KMT2C: variants seen among roughly 807,000 people sequenced by gnomAD.
KMT2C encodes the protein histone-lysine N-methyltransferase 2C.
Under a neutral mutation model 507.9 loss-of-function variants are expected in KMT2C, and 88 were observed. That is an observed-to-expected ratio of 0.17 (90% CI 0.15 to 0.21). The LOEUF (loss-of-function observed/expected upper bound fraction) is 0.21. Among genes scored for constraint, KMT2C ranks in the 10% least tolerant of loss-of-function variants. The probability of loss-of-function intolerance (pLI) is 1.00; values close to 1 mark genes in which losing one functional copy is unlikely to be tolerated. For missense variants in KMT2C, 4,954 were observed against 5,957.8 expected (o/e 0.83, Z 5.55); for synonymous variants, 2,049 against 2,080.8 (o/e 0.98, Z 0.42).
intron 25 of KMT2C, among the ~76,000 whole-genome samples, chr7:152,204,630 GATAGATA>G (rs2094246648): frequency 6.6e-6 from 1 of 151,568 alleles, no homozygotes; most frequent in African/African-American, 2.4e-5. Context: ...TAGATAGATA[GATAGATA>G]GACAGACAGA....
intron 6 of KMT2C, among the ~76,000 whole-genome samples, chr7:152,283,467 C>T (rs1318195444): frequency 4.6e-5 from 7 of 152,002 alleles, no homozygotes; most frequent in Non-Finnish European, 2.9e-5. Flanking sequence ...CTCTTTAGTC[C>T]AAAACCTGGG....
intron 4 of KMT2C, among the ~76,000 whole-genome samples, chr7:152,312,665 T>C (rs1039114133): frequency 2.0e-5 from 3 of 152,126 alleles, no homozygotes; most frequent in Admixed American, 1.3e-4. Flanking sequence ...AAAAAGAACA[T>C]TGAATAAAGT....
At chr7:152,195,551 A>G (rs148868936) in intron 28 of KMT2C, 15,767 of 985,054 alleles carry the variant, frequency 0.016, 138 homozygotes, top group Non-Finnish European at 0.018. Flanking sequence ...CTCAACCTGG[A>G]AAGTGCATAA....
intron 5 of KMT2C, among the ~76,000 whole-genome samples, chr7:152,311,471 G>A (rs951972903): frequency 2.0e-5 from 3 of 151,998 alleles, no homozygotes; most frequent in Admixed American, 2.0e-4. Context: ...GACTCAGAAT[G>A]CCACATTCCC....
At chr7:152,310,252 G>C (rs1398140634) in intron 5 of KMT2C, among the ~76,000 whole-genome samples, 177 bp from the exon 6 acceptor site, 1 of 152,210 alleles carries the variant, frequency 6.6e-6, no homozygotes, top group African/African-American at 2.4e-5. Flanking sequence ...CTGAGTGCCA[G>C]TATCAATATC....
chr7:152,194,016 G>C lies in KMT2C; in HGVS notation c.4653C>G (p.His1551Gln). 3 of 1,558,520 alleles carry C rather than the reference G, an allele frequency of 1.9e-6. No homozygotes were observed. Among genetic ancestry groups the C allele is most frequent in the Non-Finnish European group, 2.6e-6 (3 of 1,160,616 alleles). Residue 1551 changes from histidine (H) to glutamine (Q), a missense_variant, in exon 31 of 59, where the codon CAC (histidine) becomes CAG (glutamine). His to Gln is a conservative substitution (Grantham distance 24). Around this residue, in one of 29 missense-constraint regions of KMT2C, gnomAD observed 195 missense variants for 183.7 expected, o/e 1.06. Transcript: ENST00000262189. ...TATAAAGTCATAACATACCCTGATT[G>C]TGTATTGGCAACAGCTGTGTTGGTG... ...PPPPTQLLPI[H>Q]NQDAFSRMPL...
intron 1 of KMT2C, among the ~76,000 whole-genome samples, chr7:152,371,904 G>A (rs537490425): frequency 1.5e-4 from 23 of 152,080 alleles, no homozygotes; most frequent in African/African-American, 4.1e-4. Flanking sequence ...GTGAGCCACC[G>A]TGCCTGGCCG....
At chr7:152,408,156 C>T (rs79820329) in intron 1 of KMT2C, among the ~76,000 whole-genome samples, 2 of 151,882 alleles carry the variant, frequency 1.3e-5, no homozygotes, top group Non-Finnish European at 2.9e-5. Context: ...GGTGTGGTGA[C>T]GTGTGCCTGT....
At chr7:152,199,190 C>A (rs2094055647) in intron 27 of KMT2C, 89 bp downstream of exon 27, 3 of 1,089,046 alleles carry the variant, frequency 2.8e-6, no homozygotes, top group African/African-American at 1.7e-5. Context: ...GCATATGAGG[C>A]CAAACAAAAA....
Position 152,315,061 on chromosome 7 carries a change from A to T in KMT2C, c.590+77T>A, listed in dbSNP as rs1028616888. On this transcript the variant is annotated intron_variant, in intron 4 of 58. Coordinates refer to ENST00000262189, the MANE Select transcript of KMT2C (RefSeq NM_170606.3). ...TTCAACAAGAACAATCCCATTTGAA[A>T]ATTTATAAACATTATAATGGAAATA... 1.9e-5 allele frequency: 25 copies of T among 1,291,280 alleles called. No homozygotes were observed. In the African/African-American group the frequency reaches 3.7e-4, roughly 19 times the overall value. 80.0% of individuals were successfully genotyped at this position (1,291,280 alleles called of 1,614,324 possible). A position where few individuals can be genotyped will look rare whatever the true frequency, so the allele number is the denominator to read the frequency against.
At chr7:152,368,633 A>G (rs570091241) in intron 1 of KMT2C, 384 of 1,462,310 alleles carry the variant, frequency 2.6e-4, no homozygotes, top group Non-Finnish European at 3.5e-4. Flanking sequence ...ACCTTGGAAA[A>G]GAACAAGAAG....
At chr7:152,200,847 T>A (rs2094114984) in intron 26 of KMT2C, among the ~76,000 whole-genome samples, 1 of 152,136 alleles carries the variant, frequency 6.6e-6, no homozygotes, top group Non-Finnish European at 1.5e-5. Flanking sequence ...GAAAAGAGAT[T>A]GGGAGTGTGT....
rs1588363792 is a variant in KMT2C, at chr7:152,224,024, T to C, written c.3314A>G (p.Gln1105Arg). 2 of 1,607,562 alleles carry C rather than the reference T, an allele frequency of 1.2e-6. No homozygotes were observed. The highest frequency in any genetic ancestry group is 1.7e-6 in the Non-Finnish European group (2 of 1,176,210). ...AAAAATAGCACAATACCTATCACATTGTCTACATTGCAGAATAAGATCTTC... is the reference window on the plus strand; with the variant it reads ...AAAAATAGCACAATACCTATCACATCGTCTACATTGCAGAATAAGATCTTC... The part of the protein sequence containing the change: ...REEDLILQCR[Q>R]CDRWMHAVCQ... The change falls in exon 20 of 59, where the codon CAA becomes CGA. Residue 1105 changes from glutamine (Q) to arginine (R), a missense_variant. By Grantham distance (43) the Gln-to-Arg change is conservative (BLOSUM62 1). Coordinates refer to ENST00000262189, the MANE Select transcript of KMT2C (RefSeq NM_170606.3).
At chr7:152,165,329 G>A (rs1035029152) in intron 42 of KMT2C, among the ~76,000 whole-genome samples, 6 of 152,304 alleles carry the variant, frequency 3.9e-5, no homozygotes, top group Middle Eastern at 3.4e-3. Context: ...CATTTTTCAA[G>A]TATTAGCTTC....
chr7:152,392,878 T>G (rs1401614551), intron 1 of KMT2C, among the ~76,000 whole-genome samples: 5 of 152,106 alleles, frequency 3.3e-5, no homozygotes, highest in Admixed American at 6.5e-5. Flanking sequence ...ATAAGCCAGT[T>G]TATCAGCTTT....
At chr7:152,200,983 C>T (rs1231299895) in intron 26 of KMT2C, among the ~76,000 whole-genome samples, 1 of 152,044 alleles carries the variant, frequency 6.6e-6, no homozygotes, top group African/African-American at 2.4e-5. Flanking sequence ...GGATTCATTT[C>T]TTATAATAAG....
chr7:152,288,206 CAAGAG>C (rs1018871815), intron 6 of KMT2C, among the ~76,000 whole-genome samples: 6 of 135,384 alleles, frequency 4.4e-5, no homozygotes, highest in East Asian at 2.1e-4. Flanking sequence ...CCAACCTAAA[CAAGAG>C]AAGAAAATGA....
At chr7:152,384,584 C>G (rs138521475) in intron 1 of KMT2C, among the ~76,000 whole-genome samples, 61 of 5,966 alleles carry the variant, frequency 0.01, no homozygotes, top group African/African-American at 0.041. Context: ...ACCACCACCA[C>G]CACCACCACC....
chr7:152,347,583 T>A (rs2097071901), intron 2 of KMT2C, among the ~76,000 whole-genome samples: 1 of 152,222 alleles, frequency 6.6e-6, no homozygotes, highest in African/African-American at 2.4e-5. Context: ...GTACAGTATG[T>A]ACTACAGTAA....
Sources: gnomAD v4.1 joint callset for allele counts (sites outside exome capture counted in the v4.1 genomes callset) on GRCh38, gnomAD v4.1.1 for gene constraint, gnomAD v4.1.1 regional missense constraint, MANE v1.5 for transcripts, NCBI Gene and HGNC (gene_info 2026-07-23, HGNC 2026-07-21) for gene names.